PTDSS2: variants seen among roughly 807,000 people sequenced by gnomAD.
PTDSS2 encodes PSS-2.
A neutral mutation model predicts 64.7 loss-of-function variants in PTDSS2; 41 were observed. That is an observed-to-expected ratio of 0.63 (90% CI 0.49 to 0.82). PTDSS2 has a LOEUF of 0.82. Ranked by LOEUF, PTDSS2 falls within the 40% of genes least tolerant of loss-of-function variation. The pLI is 0.00. For missense variants in PTDSS2, 485 were observed against 650.0 expected (o/e 0.75, Z 2.76); for synonymous variants, 297 against 277.8 (o/e 1.07, Z -0.69).
chr11:461,362 G>A lies in PTDSS2; in HGVS notation c.284+1074G>A, dbSNP rs1846874272. 6.6e-6 allele frequency among the ~76,000 whole-genome samples: 1 copy of A among 152,180 alleles called. No homozygotes were observed. The stretch of plus-strand genomic sequence containing the variant: ...AGCATGCCCAGTGCCCTGTCTGTAG[G>A]GGAGCGGATGCTTTAGAATCACGCA... On this transcript the variant is annotated intron_variant, in intron 2 of 11. Transcript: ENST00000308020. The surrounding 1 kb of genome is among the most constrained non-coding windows in gnomAD (Gnocchi z 4.2).
At position 479,010 on chromosome 11, in the gene PTDSS2, G is replaced by A; in HGVS notation, c.368-75G>A. 8.0e-7 allele frequency: 1 copy of A among 1,245,810 alleles called. No homozygotes were observed. The highest frequency in any genetic ancestry group is 1.2e-5 in the South Asian group (1 of 82,822). 77.2% of individuals were successfully genotyped at this position (1,245,810 alleles called of 1,614,324 possible). A position where few individuals can be genotyped will look rare whatever the true frequency, so the allele number is the denominator to read the frequency against. The stretch of plus-strand genomic sequence containing the variant: ...GAGACACTGGGTGTGAAGGAGCCAG[G>A]AGCCGGCCTGGGGCTGAGCGGGGCC... On this transcript the variant is annotated intron_variant, in intron 3 of 11. Transcript: ENST00000308020. This position sits in a 1 kb window ranked among gnomAD's most constrained non-coding sequence, Gnocchi z 4.2.
At position 450,441 on chromosome 11, in the gene PTDSS2, C is replaced by A; in HGVS notation, c.-15C>A. 8 of 1,224,790 alleles carry A rather than the reference C, an allele frequency of 6.5e-6. No homozygotes were observed. Among genetic ancestry groups the A allele is most frequent in the Non-Finnish European group, 8.1e-6 (8 of 982,140 alleles). 75.9% of individuals were successfully genotyped at this position (1,224,790 alleles called of 1,614,324 possible). ...GGTCGAGGCGCCGGGCGGAGTGGCT[C>A]CGGGCCGAAACGCCATGCGGAGGGG... On this transcript the variant is annotated 5_prime_UTR_variant, in exon 1 of 12. Transcript: ENST00000308020.
At chr11:458,507 ATTTTTTTTTT>A (rs3082636) in intron 1 of PTDSS2, among the ~76,000 whole-genome samples, 1 of 93,906 alleles carries the variant, frequency 1.1e-5, no homozygotes, top group African/African-American at 4.5e-5. Context: ...GCCTGGCCTG[ATTTTTTTTTT>A]TTTTTTTTTT....
chr11:475,424 G>A (rs1370554348), intron 3 of PTDSS2, among the ~76,000 whole-genome samples: 1 of 143,290 alleles, frequency 7.0e-6, no homozygotes, highest in African/African-American at 2.7e-5. Context: ...ACGCATTTGT[G>A]TGTACAGACA....
At position 488,515 on chromosome 11, in the gene PTDSS2, G is replaced by C. The variant is rs754315844; in HGVS notation, c.736-14G>C. The C allele has an allele frequency of 6.2e-7, 1 of 1,604,318 alleles. No individual in the cohort carries two copies. The highest frequency in any genetic ancestry group is 8.5e-7 in the Non-Finnish European group (1 of 1,171,924). ...CCCCTCACCCCTGCAACGAGTGCTG[G>C]CCCCTCCCTGCAGTGGATCATGGAC... On this transcript the variant is annotated splice_polypyrimidine_tract_variant and intron_variant, in intron 7 of 11. Coordinates refer to ENST00000308020, the MANE Select transcript of PTDSS2 (RefSeq NM_030783.3).
Position 460,152 on chromosome 11 carries a change from C to T in PTDSS2, c.183-35C>T, listed in dbSNP as rs1294875982. 2 of 1,560,894 alleles carry T rather than the reference C, an allele frequency of 1.3e-6. No individual in the cohort carries two copies. Among genetic ancestry groups the T allele is most frequent in the Admixed American group, 3.3e-5 (2 of 59,814 alleles). On this transcript the variant is annotated intron_variant, in intron 1 of 11. Coordinates refer to ENST00000308020, the MANE Select transcript of PTDSS2 (RefSeq NM_030783.3). The surrounding 1 kb of genome is among the most constrained non-coding windows in gnomAD (Gnocchi z 5.8). Reference sequence around the variant, plus strand: ...TGAGTATTTAGCAATGCTGCCCAAGCTCTGACACCATGCTTATGCGTTTTT... The same window carrying T: ...TGAGTATTTAGCAATGCTGCCCAAGTTCTGACACCATGCTTATGCGTTTTT...
In PTDSS2 at chr11:450,656, C is replaced by T; in HGVS notation, c.182+19C>T. 5 of 1,242,986 alleles carry T rather than the reference C, an allele frequency of 4.0e-6. No individual in the cohort carries two copies. The highest frequency in any genetic ancestry group is 1.6e-5 in the African/African-American group (1 of 64,336). The allele number at this position is 1,242,986 out of a possible 1,614,324, so 77.0% of individuals were successfully genotyped here. A position where few individuals can be genotyped will look rare whatever the true frequency, so the allele number is the denominator to read the frequency against. ...TCTTCTGGTGAGGGCAGTGGGCGGC[C>T]GCGGGGCGGCGAGGGTGCCCTCGAC... On this transcript the variant is annotated intron_variant, in intron 1 of 11. Coordinates refer to ENST00000308020, the MANE Select transcript of PTDSS2 (RefSeq NM_030783.3).
In PTDSS2 at chr11:451,698, T is replaced by A. The variant is rs543412769; in HGVS notation, c.182+1061T>A. On this transcript the variant is annotated intron_variant, in intron 1 of 11. Transcript: ENST00000308020. ...GGGCCTGATGGAGGAGTAAGGGACTTGTCAGGGGAAGGCGCCACCACAGAC... is the reference window on the plus strand; with the variant it reads ...GGGCCTGATGGAGGAGTAAGGGACTAGTCAGGGGAAGGCGCCACCACAGAC... 9.7e-4 allele frequency among the ~76,000 whole-genome samples: 147 copies of A among 151,824 alleles called. No homozygotes were observed. The Middle Eastern group carries it at 0.017, about 18-fold the overall frequency.
At chr11:457,209 AGTCCAGGTGTGGGTGCGTTCAGTG>A (rs1846636411) in intron 1 of PTDSS2, among the ~76,000 whole-genome samples, 1 of 152,230 alleles carries the variant, frequency 6.6e-6, no homozygotes, top group Non-Finnish European at 1.5e-5. Context: ...AAATCGGCTA[AGTCCAGGTGTGGGTGCGTTCAGTG>A]CAGCACCCAC....
intron 2 of PTDSS2, among the ~76,000 whole-genome samples, chr11:472,046 G>T (rs139139275): frequency 8.8e-4 from 127 of 143,658 alleles, no homozygotes; most frequent in Non-Finnish European, 1.6e-3. Context: ...CCTGTCGGGC[G>T]GATGGTGGCC....
Position 490,801 on chromosome 11 carries a change from C to CATGTACGCGT in PTDSS2, c.*219_*220insATGTACGCGT. On this transcript the variant is annotated 3_prime_UTR_variant, in exon 12 of 12. Coordinates refer to ENST00000308020, the MANE Select transcript of PTDSS2 (RefSeq NM_030783.3). Reference sequence around the variant, plus strand: ...GTACGTGTGTATGCGTGTGTGTACGCGTGTGTACGCGCGTGTGTACACATG... The same window carrying CATGTACGCGT: ...GTACGTGTGTATGCGTGTGTGTACGCATGTACGCGTGTGTGTACGCGCGTGTGTACACATG... The CATGTACGCGT allele has an allele frequency of 1.7e-6, 1 of 575,812 alleles. No homozygotes were observed. Among genetic ancestry groups the CATGTACGCGT allele is most frequent in the South Asian group, 2.1e-5 (1 of 48,504 alleles). 35.7% of individuals were successfully genotyped at this position (575,812 alleles called of 1,614,324 possible). A position where few individuals can be genotyped will look rare whatever the true frequency, so the allele number is the denominator to read the frequency against.
intron 3 of PTDSS2, among the ~76,000 whole-genome samples, chr11:475,304 G>GA (rs1176919335): frequency 4.0e-5 from 6 of 150,580 alleles, no homozygotes; most frequent in Non-Finnish European, 5.9e-5. Flanking sequence ...GTGTGATACG[G>GA]CCATATTCAC....
intron 4 of PTDSS2, among the ~76,000 whole-genome samples, chr11:486,052 C>T (rs1311816295): frequency 1.3e-5 from 2 of 151,614 alleles, no homozygotes; most frequent in Middle Eastern, 3.4e-3. Flanking sequence ...AAACAGTGCA[C>T]GGGCGTGTGT....
At chr11:454,096 A>G (rs1272813400) in intron 1 of PTDSS2, among the ~76,000 whole-genome samples, 1 of 152,206 alleles carries the variant, frequency 6.6e-6, no homozygotes, top group African/African-American at 2.4e-5. Flanking sequence ...AGATGTGTAG[A>G]CGTCGTGCTG....
chr11:458,507 ATTTTT>A (rs3082636), intron 1 of PTDSS2, among the ~76,000 whole-genome samples: 3 of 93,904 alleles, frequency 3.2e-5, no homozygotes, highest in African/African-American at 1.3e-4. Flanking sequence ...GCCTGGCCTG[ATTTTT>A]TTTTTTTTTT....
At position 488,540 on chromosome 11, in the gene PTDSS2, C is replaced by T. The variant is rs746589271; in HGVS notation, c.747C>T (p.Asp249=). ...GCCCCTCCCTGCAGTGGATCATGGA[C>T]GTGCTCGTCTGCAACGGGCTGGGCA... ...SECWWDHWIM[D]VLVCNGLGIY... is the part of the protein sequence containing the mutation. Residue 249 remains aspartate (D), a synonymous_variant, in exon 8 of 12, where the codon GAC becomes GAT. Transcript: ENST00000308020. The T allele has an allele frequency of 6.8e-6, 11 of 1,613,146 alleles. No individual in the cohort carries two copies. The Admixed American group carries it at 8.3e-5, about 12-fold the overall frequency.
At chr11:457,186 C>G (rs1012277185) in intron 1 of PTDSS2, among the ~76,000 whole-genome samples, 8 of 152,264 alleles carry the variant, frequency 5.3e-5, no homozygotes, top group African/African-American at 1.9e-4. Context: ...CAGCTCCACC[C>G]TGGCTCTTCA....
intron 2 of PTDSS2, among the ~76,000 whole-genome samples, chr11:464,856 C>T (rs1366680459): frequency 2.0e-5 from 3 of 152,324 alleles, no homozygotes; most frequent in East Asian, 1.9e-4. Context: ...ATATAAATAT[C>T]CTTACTTGTA....
rs1024464095 is a variant in PTDSS2, at chr11:455,907, G to T, written c.183-4280G>T. On this transcript the variant is annotated intron_variant, in intron 1 of 11. Transcript: ENST00000308020. ...TGTGTCTTCTCCCGGGTGTGGCTGG[G>T]GCGGGGGCTCAGGGAATGGCTGTGA... Among the ~76,000 whole-genome samples, 8 of 152,178 alleles carry T rather than the reference G, an allele frequency of 5.3e-5. 1 individual carries two copies. In the East Asian group the frequency reaches 1.3e-3, roughly 26 times the overall value.
Sources: gnomAD v4.1 joint callset for allele counts (sites outside exome capture counted in the v4.1 genomes callset) on GRCh38, gnomAD v4.1.1 for gene constraint, Gnocchi (gnomAD v3.1) non-coding constraint, MANE v1.5 for transcripts, NCBI Gene and HGNC (gene_info 2026-07-23, HGNC 2026-07-21) for gene names.